Variants in ANXA1 observed in about 807,000 individuals in gnomAD.
ANXA1 encodes annexin A1.
A neutral mutation model predicts 47.9 loss-of-function variants in ANXA1; 39 were observed. That is an observed-to-expected ratio of 0.81 (90% confidence interval 0.63 to 1.06). The LOEUF (loss-of-function observed/expected upper bound fraction) is 1.06. Among genes scored for constraint, ANXA1 ranks in the 50% least tolerant of loss-of-function variants. ANXA1 has a pLI of 0.00. For synonymous variants in ANXA1, 146 were observed against 142.5 expected (o/e 1.02, Z -0.17); for missense variants, 446 against 422.7 (o/e 1.06, Z -0.48).
chr9:73,157,146 T>C (rs1317314336), intron 1 of ANXA1, among the ~76,000 whole-genome samples: 1 of 152,146 alleles, frequency 6.6e-6, no homozygotes, highest in Non-Finnish European at 1.5e-5. Flanking sequence ...TTTTTTGTGT[T>C]GGGTGGGAAA....
intron 6 of ANXA1, among the ~76,000 whole-genome samples, chr9:73,161,118 C>T (rs978041383): frequency 1.3e-5 from 2 of 152,048 alleles, no homozygotes; most frequent in East Asian, 1.9e-4. Flanking sequence ...ATCAAGCTTG[C>T]GTTTTAATAG....
intron 12 of ANXA1, 83 bp from the exon 13 acceptor site, chr9:73,169,967 TA>T: frequency 1.0e-6 from 1 of 984,932 alleles, no homozygotes; most frequent in Non-Finnish European, 1.5e-6. Context: ...CAGCTAAGTC[TA>T]AAAATAATTC....
chr9:73,160,023 C>T (rs1824111446), intron 4 of ANXA1: 3 of 304,094 alleles, frequency 9.9e-6, no homozygotes, highest in Non-Finnish European at 1.8e-5. Context: ...AGATTACTAA[C>T]CCTATGCTTT....
chr9:73,165,064 C>A (rs1824203953), intron 8 of ANXA1, 52 bp from the exon 9 acceptor site: 1 of 1,402,984 alleles, frequency 7.1e-7, no homozygotes, highest in Non-Finnish European at 1.0e-6. Context: ...CATTATTGTG[C>A]AGATATCATT....
At chr9:73,166,340 G>A (rs912299689) in intron 10 of ANXA1, 148 bp downstream of exon 10, 10 of 602,584 alleles carry the variant, frequency 1.7e-5, no homozygotes, top group South Asian at 4.3e-5. Flanking sequence ...TTGAAGCAAC[G>A]TAAAAGATTG....
chr9:73,158,360 A>T (rs1436916101), intron 1 of ANXA1, 162 bp from the exon 2 acceptor site: 1 of 581,588 alleles, frequency 1.7e-6, no homozygotes, highest in Admixed American at 3.0e-5. Context: ...TTTAAAAAAA[A>T]TTACGTCTTA....
Position 73,169,042 on chromosome 9 carries a change from C to A in ANXA1, c.872C>A (p.Thr291Asn). ...KLHQAMKGVG[T>N]RHKALIRIMV... Reference sequence around the variant, plus strand: ...ATTTATTTTGGCCAGGGTGTTGGAACTCGCCATAAGGCATTGATCAGGATT... The same window carrying A: ...ATTTATTTTGGCCAGGGTGTTGGAAATCGCCATAAGGCATTGATCAGGATT... Residue 291 changes from threonine to asparagine, a missense_variant, in exon 12 of 13, where the codon ACT becomes AAT. Physicochemically the swap from Thr to Asn is moderately conservative, Grantham distance 65. Coordinates refer to ENST00000257497, the MANE Select transcript of ANXA1 (RefSeq NM_000700.3). 1 of 1,609,968 alleles carries A rather than the reference C, an allele frequency of 6.2e-7. No homozygotes were observed. Among genetic ancestry groups the A allele is most frequent in the Admixed American group, 1.7e-5 (1 of 59,026 alleles).
At chr9:73,163,031 T>A (rs548199690) in intron 7 of ANXA1, among the ~76,000 whole-genome samples, 170 bp downstream of exon 7, 4 of 152,312 alleles carry the variant, frequency 2.6e-5, no homozygotes, top group African/African-American at 9.6e-5. Context: ...GGTATCTATG[T>A]CTGGTGAGAG....
rs1410458157 is a variant in ANXA1 at position 73,159,378 on chromosome 9, A to G, written c.225A>G (p.Ala75=). ...ACATTCTAACTAAGCGAAACAATGC[A>G]CAGCGTCAACAGATCAAAGCAGCAT... The part of the protein sequence containing the change: ...IIDILTKRNN[A]QRQQIKAAYL... The change falls in exon 4 of 13, where the codon GCA becomes GCG. Residue 75 remains alanine, a synonymous_variant. Transcript: ENST00000257497. 3 of 1,613,408 alleles carry G rather than the reference A, an allele frequency of 1.9e-6. No individual in the cohort carries two copies. Among genetic ancestry groups the G allele is most frequent in the African/African-American group, 2.7e-5 (2 of 75,028 alleles).
intron 5 of ANXA1, 65 bp from the exon 6 acceptor site, chr9:73,160,738 A>T (rs1824128045): frequency 7.9e-7 from 1 of 1,264,964 alleles, no homozygotes; most frequent in African/African-American, 1.5e-5. Flanking sequence ...AACACCAAAA[A>T]CTCATTGATC....
chr9:73,165,404 C>T (rs750167289), intron 9 of ANXA1, 195 bp downstream of exon 9: 8 of 442,408 alleles, frequency 1.8e-5, no homozygotes, highest in Admixed American at 3.9e-5. Flanking sequence ...ATATTTAATA[C>T]ATTTTGTGAC....
intron 1 of ANXA1, among the ~76,000 whole-genome samples, chr9:73,155,022 G>A (rs1260082771): frequency 6.6e-6 from 1 of 152,012 alleles, no homozygotes; most frequent in Non-Finnish European, 1.5e-5. Flanking sequence ...GCTGAGAGAT[G>A]GAAAAATGAA....
intron 7 of ANXA1, 79 bp downstream of exon 7, chr9:73,162,940 G>C (rs1459033497): frequency 8.9e-7 from 1 of 1,121,172 alleles, no homozygotes; most frequent in Non-Finnish European, 1.3e-6. Flanking sequence ...TGCTATAAGG[G>C]AATATCTGAG....
At chr9:73,165,827 T>A (rs1198462296) in intron 9 of ANXA1, among the ~76,000 whole-genome samples, 6 of 152,138 alleles carry the variant, frequency 3.9e-5, no homozygotes, top group Non-Finnish European at 8.8e-5. Context: ...TAGGAAGTGC[T>A]ATAGTTGTCA....
At chr9:73,161,682 A>C (rs1449241593) in intron 6 of ANXA1, among the ~76,000 whole-genome samples, 2 of 152,196 alleles carry the variant, frequency 1.3e-5, no homozygotes, top group Admixed American at 6.6e-5. Flanking sequence ...TAATAAAAGA[A>C]TAAAAATAAG....
chr9:73,168,617 A>G (rs1824271335), intron 11 of ANXA1: 2 of 155,668 alleles, frequency 1.3e-5, no homozygotes. Flanking sequence ...TAGGCAGGAT[A>G]TTGTAAGCCT....
Position 73,156,124 on chromosome 9 carries a change from T to A in ANXA1, c.-14-2398T>A, listed in dbSNP as rs548477066. Among the ~76,000 whole-genome samples the A allele has an allele frequency of 1.2e-3, 160 of 137,252 alleles. 1 individual carries two copies. The highest frequency in any genetic ancestry group is 4.0e-3 in the African/African-American group (150 of 37,086). 90.0% of individuals were successfully genotyped at this position (137,252 alleles called of 152,430 possible). ...AATGGAATAATAATAATAATAATAATAAATAAATAATAATAATAAATAATA... is the reference window on the plus strand; with the variant it reads ...AATGGAATAATAATAATAATAATAAAAAATAAATAATAATAATAAATAATA... On this transcript the variant is annotated intron_variant, in intron 1 of 12. Coordinates refer to ENST00000257497, the MANE Select transcript of ANXA1 (RefSeq NM_000700.3).
chr9:73,166,228 A>G lies in ANXA1; in HGVS notation c.802+36A>G, dbSNP rs143511180. On this transcript the variant is annotated intron_variant, in intron 10 of 12. Coordinates refer to ENST00000257497, the MANE Select transcript of ANXA1 (RefSeq NM_000700.3). The stretch of plus-strand genomic sequence containing the variant: ...CAGCAGTTGAAAGAGTTTTCTAACT[A>G]GAAATTGTATTTTCAAAGCTATCCT... 1.3e-3 allele frequency: 1,969 copies of G among 1,471,248 alleles called. 5 individuals are homozygous for G. Among genetic ancestry groups the G allele is most frequent in the Middle Eastern group, 7.9e-3 (45 of 5,690 alleles). The allele number at this position is 1,471,248 out of a possible 1,614,324, so 91.1% of individuals were successfully genotyped here.
At chr9:73,152,306 C>A (rs1274080926) in intron 1 of ANXA1, among the ~76,000 whole-genome samples, 1 of 151,952 alleles carries the variant, frequency 6.6e-6, no homozygotes, top group Non-Finnish European at 1.5e-5. Flanking sequence ...ACAGAGAAAT[C>A]GTGATGGGGG....
Sources: gnomAD v4.1 joint callset for allele counts (sites outside exome capture counted in the v4.1 genomes callset) on GRCh38, gnomAD v4.1.1 for gene constraint, MANE v1.5 for transcripts, NCBI Gene and HGNC (gene_info 2026-07-23, HGNC 2026-07-21) for gene names.